The following CLEC4A variants were observed in gnomAD, a reference collection of about 807,000 sequenced individuals.
CLEC4A encodes the protein C-type lectin domain family 4 member A.
CLEC4A carries 27 observed loss-of-function variants against 32.7 expected under a neutral mutation model. That is an observed-to-expected ratio of 0.83 (90% CI 0.61 to 1.14). The LOEUF is 1.14. Among genes scored for constraint, CLEC4A ranks in the 50% most tolerant of loss-of-function variants. CLEC4A has a pLI of 0.00. For synonymous variants in CLEC4A, 89 were observed against 93.7 expected, an observed-to-expected ratio of 0.95 and a Z score of 0.29; for missense variants, 253 against 274.6, an observed-to-expected ratio of 0.92 and a Z score of 0.55.
chr12:8,105,715 T>G, the CLEC4A span, among the ~76,000 whole-genome samples: 2 of 152,198 alleles, frequency 1.3e-5, no homozygotes, highest in African/African-American at 4.8e-5. Context: ...CCTGTTCTTG[T>G]CCTTTGCCCA....
At chr12:8,125,365 G>A (rs758377536) in intron 1 of CLEC4A, among the ~76,000 whole-genome samples, 196 bp from the exon 2 acceptor site, 3 of 151,966 alleles carry the variant, frequency 2.0e-5, no homozygotes, top group Non-Finnish European at 4.4e-5. Flanking sequence ...GTAGGAATTC[G>A]TACTTTTATG....
Position 8,128,114 on chromosome 12 carries a change from A to G in CLEC4A, c.200-1150A>G, listed in dbSNP as rs372236838. ...AGACGGATAAGGATGGAACTCTGGGAAATGTTACATTTTAAAAGAGGTGGA... is the reference window on the plus strand; with the variant it reads ...AGACGGATAAGGATGGAACTCTGGGGAATGTTACATTTTAAAAGAGGTGGA... On this transcript the variant is annotated intron_variant, in intron 2 of 5. Coordinates refer to ENST00000229332, the MANE Select transcript of CLEC4A (RefSeq NM_016184.4). Among the ~76,000 whole-genome samples the G allele has an allele frequency of 2.0e-5, 3 of 152,190 alleles. No individual in the cohort carries two copies. In the East Asian group the frequency reaches 5.8e-4, roughly 29 times the overall value.
chr12:8,106,568 G>T, the CLEC4A span, among the ~76,000 whole-genome samples: 3 of 152,254 alleles, frequency 2.0e-5, no homozygotes, highest in African/African-American at 7.2e-5. Flanking sequence ...ATTTCTTTGA[G>T]CAGTGTTTTG....
At chr12:8,105,437 C>A in the CLEC4A span, among the ~76,000 whole-genome samples, 1 of 151,870 alleles carries the variant, frequency 6.6e-6, no homozygotes, top group African/African-American at 2.4e-5. Context: ...GCAACCTCCA[C>A]CTCCCAGGTT....
At chr12:8,112,445 T>C in the CLEC4A span, among the ~76,000 whole-genome samples, 1 of 152,242 alleles carries the variant, frequency 6.6e-6, no homozygotes, top group Non-Finnish European at 1.5e-5. Flanking sequence ...ATACTTAATA[T>C]AAATTCTGAG....
At chr12:8,124,704 G>C (rs1947873044) in intron 1 of CLEC4A, among the ~76,000 whole-genome samples, 1 of 152,024 alleles carries the variant, frequency 6.6e-6, no homozygotes, top group South Asian at 2.1e-4. Context: ...CCTCTGTGAA[G>C]GTGTGGAGAG....
intron 3 of CLEC4A, among the ~76,000 whole-genome samples, chr12:8,130,869 G>T (rs866387320): frequency 1.1e-4 from 16 of 152,018 alleles, no homozygotes; most frequent in South Asian, 2.1e-4. Flanking sequence ...ACAATTTTCA[G>T]GTTTCCTTAG....
chr12:8,117,393 C>T, the CLEC4A span, among the ~76,000 whole-genome samples: 4 of 152,256 alleles, frequency 2.6e-5, no homozygotes, highest in Non-Finnish European at 4.4e-5. Flanking sequence ...TGCTCATCAC[C>T]ACACCTGGCT....
At chr12:8,109,896 G>C in the CLEC4A span, among the ~76,000 whole-genome samples, 1 of 152,100 alleles carries the variant, frequency 6.6e-6, no homozygotes, top group Admixed American at 6.5e-5. Flanking sequence ...AAGTGAGGTA[G>C]ATGCCCCAAG....
chr12:8,103,427 C>G, the CLEC4A span, among the ~76,000 whole-genome samples: 1 of 130,644 alleles, frequency 7.7e-6, no homozygotes, highest in African/African-American at 2.9e-5. Context: ...CACTCTGTCG[C>G]CCAGGCTGGA....
intron 3 of CLEC4A, 87 bp downstream of exon 3, chr12:8,129,449 A>G: frequency 2.3e-6 from 2 of 883,872 alleles, no homozygotes; most frequent in Non-Finnish European, 3.6e-6. Flanking sequence ...TCCCAGGTAG[A>G]TCATACTGAA....
intron 3 of CLEC4A, among the ~76,000 whole-genome samples, chr12:8,132,223 A>G (rs1017110131): frequency 3.3e-5 from 5 of 152,136 alleles, no homozygotes; most frequent in Non-Finnish European, 1.5e-5. Context: ...TGGGACTGCA[A>G]AATGCTTGAG....
rs1000615281 is a variant in CLEC4A at position 8,136,797 on chromosome 12, T to C, written c.460T>C (p.Phe154Leu). 1.9e-6 allele frequency: 3 copies of C among 1,610,436 alleles called. No individual in the cohort carries two copies. Among genetic ancestry groups the C allele is most frequent in the East Asian group, 2.2e-5 (1 of 44,850 alleles). ...TCTTTTCCCCCCTCAGGATTTCATC[T>C]TCCAGAATCTGCAAGAAGAATCTGC... ...INTQEEQDFI[F>L]QNLQEESAYF... Residue 154 changes from phenylalanine (F) to leucine (L), a missense_variant, in exon 5 of 6, where the codon TTC becomes CTC. By Grantham distance (22) the Phe-to-Leu change is conservative (BLOSUM62 0). Transcript: ENST00000229332.
rs1423436378 is a variant in CLEC4A at position 8,123,914 on chromosome 12, C to G, written c.36C>G (p.Phe12Leu). 1.9e-6 allele frequency: 3 copies of G among 1,613,198 alleles called. No individual in the cohort carries two copies. In the Admixed American group the frequency reaches 5.0e-5, roughly 27 times the overall value. ...TSEITYAEVRFKNEFKSSGIN... is the reference protein window; with the variant it reads ...TSEITYAEVRLKNEFKSSGIN... ...AAATCACTTATGCTGAAGTGAGGTT[C>G]AAAAATGAATTCAAGTCCTCAGGCA... is the stretch of plus-strand genomic sequence containing the variant. Residue 12 changes from phenylalanine (F) to leucine (L), a missense_variant, in exon 1 of 6, where the codon TTC becomes TTG. Phe to Leu is a conservative substitution (Grantham distance 22, BLOSUM62 0). Transcript: ENST00000229332.
chr12:8,124,062 T>G (rs1046648183), intron 1 of CLEC4A, 102 bp downstream of exon 1: 9 of 769,294 alleles, frequency 1.2e-5, no homozygotes, highest in Non-Finnish European at 1.8e-5. Context: ...GTTGTCTGAT[T>G]GAGTATGTCT....
chr12:8,120,548 G>A (rs1457031617), upstream of CLEC4A, among the ~76,000 whole-genome samples: 1 of 152,230 alleles, frequency 6.6e-6, no homozygotes, highest in South Asian at 2.1e-4. Context: ...CACACTGTCA[G>A]CCTCTCAGAG....
chr12:8,113,777 A>T, the CLEC4A span, among the ~76,000 whole-genome samples: 9 of 152,344 alleles, frequency 5.9e-5, no homozygotes, highest in East Asian at 1.9e-4. Flanking sequence ...GAAAGCTAAT[A>T]CAAGGGTGCA....
intron 4 of CLEC4A, 87 bp downstream of exon 4, chr12:8,135,823 G>A (rs1267501914): frequency 7.1e-7 from 1 of 1,401,406 alleles, no homozygotes; most frequent in Non-Finnish European, 9.7e-7. Flanking sequence ...TGTTACTTTG[G>A]GATATTTGCG....
At chr12:8,135,071 A>T (rs1343598117) in intron 3 of CLEC4A, among the ~76,000 whole-genome samples, 12 of 1,982 alleles carry the variant, frequency 6.1e-3, no homozygotes, top group East Asian at 0.025. Context: ...TTTTTTTTTG[A>T]GACAGGTTCT....
Sources: gnomAD v4.1 joint callset for allele counts (sites outside exome capture counted in the v4.1 genomes callset) on GRCh38, gnomAD v4.1.1 for gene constraint, MANE v1.5 for transcripts, NCBI Gene and HGNC (gene_info 2026-07-23, HGNC 2026-07-21) for gene names.